FER1L6: variants seen among roughly 807,000 people sequenced by gnomAD.
The protein encoded by FER1L6 is fer-1 like family member 6.
In FER1L6, 177 loss-of-function variants were observed where a neutral mutation model predicts 219.2. The ratio of observed to expected loss-of-function variants is 0.81; its 90% CI spans 0.71 to 0.91. The LOEUF (loss-of-function observed/expected upper bound fraction) is 0.91, where lower values mean the gene tolerates loss of function less well. FER1L6 is among the 40% of genes least tolerant of loss of function. The probability of loss-of-function intolerance (pLI) is 0.00; values close to 1 mark genes in which losing one functional copy is unlikely to be tolerated. For missense variants in FER1L6, 2,153 were observed against 2,259.9 expected, an observed-to-expected ratio of 0.95 and a Z score of 0.96; for synonymous variants, 768 against 824.3, an observed-to-expected ratio of 0.93 and a Z score of 1.17.
chr8:123,946,047 G>A (rs1224319426), intron 1 of FER1L6, among the ~76,000 whole-genome samples: 2 of 152,282 alleles, frequency 1.3e-5, no homozygotes, highest in African/African-American at 4.8e-5. Context: ...AGAGGTCACT[G>A]GGCCTAGGTT....
chr8:123,995,625 T>C (rs1172873970), intron 12 of FER1L6, among the ~76,000 whole-genome samples: 2 of 152,154 alleles, frequency 1.3e-5, no homozygotes, highest in African/African-American at 4.8e-5. Context: ...TTTCATTTTG[T>C]TGATCTTTTG....
At chr8:123,987,152 G>A (rs947435005) in intron 12 of FER1L6, among the ~76,000 whole-genome samples, 4 of 152,120 alleles carry the variant, frequency 2.6e-5, no homozygotes, top group Non-Finnish European at 4.4e-5. Context: ...ATGAGGGTTC[G>A]CTTTTCTCCA....
intron 2 of FER1L6, among the ~76,000 whole-genome samples, chr8:123,959,883 G>A (rs1815190254): frequency 6.6e-6 from 1 of 152,096 alleles, no homozygotes; most frequent in Admixed American, 6.5e-5. Context: ...TCCATATCAA[G>A]TTACATTTAT....
At chr8:124,109,719 C>T (rs1822936691) in intron 39 of FER1L6, among the ~76,000 whole-genome samples, 2 of 152,158 alleles carry the variant, frequency 1.3e-5, no homozygotes, top group South Asian at 4.1e-4. Context: ...TCAACAGTTA[C>T]AGAAAGCCTC....
chr8:124,095,007 T>C lies in FER1L6; in HGVS notation c.4664T>C (p.Leu1555Pro). The change falls in exon 35 of 41, where the codon CTG (leucine) becomes CCG (proline). Residue 1555 changes from leucine to proline, a missense_variant. Physicochemically the swap from Leu to Pro is moderately conservative, Grantham distance 98 (BLOSUM62 -3). Coordinates refer to ENST00000522917, the MANE Select transcript of FER1L6 (RefSeq NM_001039112.2). ...LVPEHIETRP[L>P]YHKDKPGMEQ... is the part of the protein sequence containing the mutation. ...CCTGAACACATAGAAACTCGGCCACTGTACCACAAGGATAAGCCAGGAATG... is the reference window on the plus strand; with the variant it reads ...CCTGAACACATAGAAACTCGGCCACCGTACCACAAGGATAAGCCAGGAATG... 6.2e-7 allele frequency: 1 copy of C among 1,614,168 alleles called. No homozygotes were observed.
intron 29 of FER1L6, 88 bp from the exon 30 acceptor site, chr8:124,070,379 G>A: frequency 6.8e-7 from 1 of 1,466,620 alleles, no homozygotes; most frequent in Non-Finnish European, 9.3e-7. Flanking sequence ...ATATATCAAG[G>A]CTGGTTTTGG....
rs73328340 is a variant in FER1L6, at chr8:124,040,704, C to T, written c.2589+698C>T. The T allele has an allele frequency of 8.7e-3, 1,333 of 152,786 alleles. 31 individuals are homozygous for T. The highest frequency in any genetic ancestry group is 0.027 in the African/African-American group (1,115 of 41,520). 9.5% of individuals were successfully genotyped at this position (152,786 alleles called of 1,614,324 possible). A position where few individuals can be genotyped will look rare whatever the true frequency, so the allele number is the denominator to read the frequency against. On this transcript the variant is annotated intron_variant, in intron 20 of 40. Transcript: ENST00000522917. Reference sequence around the variant, plus strand: ...CTTGCTGGTGGGACCCTGCAGGTTCCGAGGCAGCACAGGGCATCACGTGGC... The same window carrying T: ...CTTGCTGGTGGGACCCTGCAGGTTCTGAGGCAGCACAGGGCATCACGTGGC...
chr8:123,950,812 G>A (rs1404129462), intron 1 of FER1L6, among the ~76,000 whole-genome samples: 4 of 152,186 alleles, frequency 2.6e-5, no homozygotes, highest in African/African-American at 9.7e-5. Context: ...GAGACTGGGA[G>A]CCAGGGCCCA....
At chr8:124,050,000 G>T (rs1819934636) in intron 22 of FER1L6, among the ~76,000 whole-genome samples, 2 of 152,176 alleles carry the variant, frequency 1.3e-5, no homozygotes, top group Non-Finnish European at 2.9e-5. Context: ...GGCCAACAAT[G>T]CTTGAGCAGC....
intron 1 of FER1L6, among the ~76,000 whole-genome samples, chr8:123,908,574 TTGA>T (rs1183313331): frequency 6.6e-6 from 1 of 152,242 alleles, no homozygotes; most frequent in Non-Finnish European, 1.5e-5. Flanking sequence ...AGTTTAACTG[TTGA>T]TTGAATTAAA....
chr8:123,920,426 C>T (rs1410505200), intron 1 of FER1L6, among the ~76,000 whole-genome samples: 1 of 152,292 alleles, frequency 6.6e-6, no homozygotes, highest in East Asian at 1.9e-4. Context: ...ATACAGTATT[C>T]TGAGAGTTAT....
At chr8:124,103,040 T>G (rs1442368045) in intron 38 of FER1L6, 106 bp from the exon 39 acceptor site, 2 of 1,034,486 alleles carry the variant, frequency 1.9e-6, no homozygotes, top group Non-Finnish European at 2.9e-6. Context: ...ACTGATTGAA[T>G]GAGTAGGAAG....
intron 1 of FER1L6, among the ~76,000 whole-genome samples, chr8:123,856,193 GTATGAGATATATGTATATACATA>G (rs1816638836): frequency 2.9e-5 from 3 of 103,310 alleles, no homozygotes; most frequent in Non-Finnish European, 3.9e-5. Flanking sequence ...ATACATATGT[GTATGAGATATATGTATATACATA>G]TGTGTATGAG....
intron 13 of FER1L6, among the ~76,000 whole-genome samples, chr8:124,008,710 G>GA (rs1232118800): frequency 6.6e-6 from 1 of 152,178 alleles, no homozygotes; most frequent in East Asian, 1.9e-4. Flanking sequence ...CAGAGTGGGA[G>GA]AAAATCTTCA....
intron 2 of FER1L6, among the ~76,000 whole-genome samples, chr8:123,962,686 C>A (rs768484160): frequency 6.6e-6 from 1 of 152,120 alleles, no homozygotes. Flanking sequence ...AGTGAAGTGG[C>A]GCGATCTCAG....
intron 1 of FER1L6, among the ~76,000 whole-genome samples, chr8:123,912,147 C>A (rs182988621): frequency 6.6e-6 from 1 of 152,042 alleles, no homozygotes; most frequent in East Asian, 1.9e-4. Context: ...CAGCAGCCAG[C>A]CTTTATGAAA....
intron 1 of FER1L6, among the ~76,000 whole-genome samples, chr8:123,881,772 C>T (rs1299705095): frequency 6.6e-6 from 1 of 152,136 alleles, no homozygotes; most frequent in Admixed American, 6.5e-5. Flanking sequence ...TTCCACAGGT[C>T]CCGACAGACC....
chr8:124,021,367 A>G (rs7819813), intron 16 of FER1L6, among the ~76,000 whole-genome samples, 183 bp from the exon 17 acceptor site: 84,211 of 151,794 alleles, frequency 0.55, 23,720 homozygotes, highest in Non-Finnish European at 0.59. Context: ...ATGATATTAC[A>G]GCCTCCATAA....
At position 124,076,275 on chromosome 8, in the gene FER1L6, C is replaced by A. The variant is rs1283653057; in HGVS notation, c.4170C>A (p.Ile1390=). ...TGATCAAGCTTGGCAAGACAGAAATCAAAGACCGGGATAAATACATCCCTA... is the reference window on the plus strand; with the variant it reads ...TGATCAAGCTTGGCAAGACAGAAATAAAAGACCGGGATAAATACATCCCTA... ...YIVIKLGKTE[I]KDRDKYIPKQ... Residue 1390 remains isoleucine, a synonymous_variant, in exon 32 of 41, where the codon ATC becomes ATA. Transcript: ENST00000522917. 6.2e-7 allele frequency: 1 copy of A among 1,613,970 alleles called. No individual in the cohort carries two copies.
Sources: gnomAD v4.1 joint callset for allele counts (sites outside exome capture counted in the v4.1 genomes callset) on GRCh38, gnomAD v4.1.1 for gene constraint, MANE v1.5 for transcripts, NCBI Gene and HGNC (gene_info 2026-07-23, HGNC 2026-07-21) for gene names.